ARHGAP6: variants seen among roughly 807,000 people sequenced by gnomAD.
The protein encoded by ARHGAP6 is rho GTPase-activating protein 6.
Under a neutral mutation model 55.7 loss-of-function variants are expected in ARHGAP6, and 16 were observed. That is an observed-to-expected ratio of 0.29 (90% CI 0.19 to 0.44). The LOEUF (loss-of-function observed/expected upper bound fraction) is 0.44, where lower values mean the gene tolerates loss of function less well. Among genes scored for constraint, ARHGAP6 ranks in the 20% least tolerant of loss-of-function variants. The pLI, the probability that ARHGAP6 is intolerant of heterozygous loss-of-function variation, is 1.00. For missense variants in ARHGAP6, 698 were observed against 808.9 expected (o/e 0.86, Z 1.66); for synonymous variants, 382 against 360.9 (o/e 1.06, Z -0.66).
intron 1 of ARHGAP6, among the ~76,000 whole-genome samples, chrX:11,519,922 C>T (rs1172797895): frequency 5.2e-5 from 5 of 96,996 alleles, no homozygotes; most frequent in Non-Finnish European, 1.0e-4. Context: ...AGGACATAGG[C>T]GTGGGCAAGG....
At chrX:11,611,924 A>G (rs371749109) in intron 1 of ARHGAP6, among the ~76,000 whole-genome samples, 1 of 76,469 alleles carries the variant, frequency 1.3e-5, no homozygotes, top group Non-Finnish European at 3.0e-5. Context: ...AGAAAAGTAC[A>G]AAAAAAAAAA....
chrX:11,474,705 T>G (rs903583592), intron 1 of ARHGAP6, among the ~76,000 whole-genome samples: 4 of 111,686 alleles, frequency 3.6e-5, no homozygotes, highest in Non-Finnish European at 5.7e-5. Flanking sequence ...CTCATGTTGA[T>G]CTCTGATCCT....
intron 2 of ARHGAP6, among the ~76,000 whole-genome samples, chrX:11,227,015 T>A (rs975915910): frequency 1.8e-5 from 2 of 112,353 alleles, no homozygotes; most frequent in African/African-American, 6.5e-5. Flanking sequence ...TGTATATTAT[T>A]TAGGAAACAA....
intron 1 of ARHGAP6, among the ~76,000 whole-genome samples, chrX:11,637,690 C>T (rs2052432726): frequency 9.0e-6 from 1 of 111,074 alleles, no homozygotes; most frequent in South Asian, 3.8e-4. Context: ...TGTTCAGCTT[C>T]TCCCCAAACC....
At chrX:11,388,465 G>C (rs1347110534) in intron 1 of ARHGAP6, among the ~76,000 whole-genome samples, 1 of 111,964 alleles carries the variant, frequency 8.9e-6, no homozygotes, top group Non-Finnish European at 1.9e-5. Flanking sequence ...CCCTTTGTCA[G>C]ATGAGTAGAT....
chrX:11,268,216 T>C (rs7055953), intron 1 of ARHGAP6, among the ~76,000 whole-genome samples: 26,028 of 111,208 alleles, frequency 0.23, 2,395 homozygotes, highest in Middle Eastern at 0.37. Context: ...TTTGAGTGAA[T>C]ACATTTCTGA....
At chrX:11,241,003 G>A (rs778669757) in intron 2 of ARHGAP6, among the ~76,000 whole-genome samples, 31 of 106,193 alleles carry the variant, frequency 2.9e-4, no homozygotes, top group African/African-American at 8.6e-4. Context: ...GGTTGAGGCT[G>A]CAGTGAGCTA....
At chrX:11,651,233 C>A (rs1257587702) in intron 1 of ARHGAP6, among the ~76,000 whole-genome samples, 1 of 111,447 alleles carries the variant, frequency 9.0e-6, no homozygotes, top group East Asian at 2.8e-4. Context: ...TATTTCATCA[C>A]CCAGGTATTA....
At chrX:11,179,704 C>G (rs1185081901) in intron 6 of ARHGAP6, among the ~76,000 whole-genome samples, 2 of 100,692 alleles carry the variant, frequency 2.0e-5, no homozygotes, top group Non-Finnish European at 4.0e-5. Flanking sequence ...TACATATATA[C>G]AATATATGTA....
At chrX:11,600,749 A>ATGAG (rs1243792929) in intron 1 of ARHGAP6, among the ~76,000 whole-genome samples, 2 of 112,033 alleles carry the variant, frequency 1.8e-5, no homozygotes, top group Non-Finnish European at 1.9e-5. Flanking sequence ...GGGCAAGCAT[A>ATGAG]TGAGTGTATG....
chrX:11,317,748 G>T lies in ARHGAP6; in HGVS notation c.589-63041C>A, dbSNP rs150441726. The stretch of plus-strand genomic sequence containing the variant: ...CCTTAGAGCAGGATTCCATAGTACA[G>T]CTTTACATGAAGGATGGCAAGTAGA... On this transcript the variant is annotated intron_variant, in intron 1 of 12. Coordinates refer to ENST00000337414, the MANE Select transcript of ARHGAP6 (RefSeq NM_013427.3). 2.5e-3 allele frequency among the ~76,000 whole-genome samples: 274 copies of T among 111,506 alleles called. 1 individual carries two copies. Among genetic ancestry groups the T allele is most frequent in the African/African-American group, 8.7e-3 (268 of 30,661 alleles).
At chrX:11,208,156 G>C (rs1233971625) in intron 2 of ARHGAP6, among the ~76,000 whole-genome samples, 2 of 111,359 alleles carry the variant, frequency 1.8e-5, no homozygotes, top group Non-Finnish European at 3.8e-5. Context: ...CTAGAATTTG[G>C]AAGATGTGGA....
intron 1 of ARHGAP6, among the ~76,000 whole-genome samples, chrX:11,518,996 G>GGTGT (rs2050881573): frequency 1.0e-5 from 1 of 96,666 alleles, no homozygotes; most frequent in Admixed American, 1.2e-4. Context: ...AGTATACCAT[G>GGTGT]GTGTATATGT....
At chrX:11,327,896 T>G (rs2048517310) in intron 1 of ARHGAP6, among the ~76,000 whole-genome samples, 1 of 112,117 alleles carries the variant, frequency 8.9e-6, no homozygotes, top group South Asian at 3.7e-4. Context: ...CTTTGATTAT[T>G]CTACACCATT....
intron 1 of ARHGAP6, chrX:11,351,548 G>A: frequency 1.1e-6 from 1 of 891,230 alleles, no homozygotes; most frequent in South Asian, 2.9e-5. Flanking sequence ...AAGGGGAAGT[G>A]AGAAGCCATG....
At chrX:11,289,400 G>A (rs1472384989) in intron 1 of ARHGAP6, among the ~76,000 whole-genome samples, 1 of 111,321 alleles carries the variant, frequency 9.0e-6, no homozygotes, top group Non-Finnish European at 1.9e-5. Flanking sequence ...TGCATTCACA[G>A]ATTATTTAAA....
At chrX:11,205,226 T>C (rs1602857995) in intron 2 of ARHGAP6, among the ~76,000 whole-genome samples, 1 of 111,303 alleles carries the variant, frequency 9.0e-6, no homozygotes, top group African/African-American at 3.3e-5. Flanking sequence ...CTCTCCATTA[T>C]CTAGAGCAAG....
chrX:11,573,977 G>T (rs1053698965), intron 1 of ARHGAP6, among the ~76,000 whole-genome samples: 1 of 111,294 alleles, frequency 9.0e-6, no homozygotes, highest in Non-Finnish European at 1.9e-5. Flanking sequence ...TCATGATTTG[G>T]CTCTCTGTTT....
chrX:11,388,482 A>C (rs1718972787), intron 1 of ARHGAP6, among the ~76,000 whole-genome samples: 6 of 111,388 alleles, frequency 5.4e-5, no homozygotes, highest in Admixed American at 4.7e-4. Context: ...AGATTGCAAA[A>C]ATTTTCTCCC....
Sources: gnomAD v4.1 joint callset for allele counts (sites outside exome capture counted in the v4.1 genomes callset) on GRCh38, gnomAD v4.1.1 for gene constraint, MANE v1.5 for transcripts, NCBI Gene and HGNC (gene_info 2026-07-23, HGNC 2026-07-21) for gene names.